The following MCOLN3 variants were observed in gnomAD, a reference collection of about 807,000 sequenced individuals.
MCOLN3 encodes mucolipin-3.
Under a neutral mutation model 69.4 loss-of-function variants are expected in MCOLN3, and 62 were observed. The ratio of observed to expected loss-of-function variants is 0.89; its 90% CI spans 0.73 to 1.10. The LOEUF (loss-of-function observed/expected upper bound fraction) is 1.10, where lower values mean the gene tolerates loss of function less well. MCOLN3 is among the 50% of genes least tolerant of loss of function. The pLI is 0.00. For synonymous variants in MCOLN3, 183 were observed against 217.0 expected, an observed-to-expected ratio of 0.84 and a Z score of 1.38; for missense variants, 564 against 656.4, an observed-to-expected ratio of 0.86 and a Z score of 1.54.
chr1:85,019,970 G>A (rs900855892), intron 12 of MCOLN3, among the ~76,000 whole-genome samples: 7 of 152,182 alleles, frequency 4.6e-5, no homozygotes, highest in East Asian at 1.9e-4. Flanking sequence ...CTGAGCCCAC[G>A]GAAAGAGGTT....
chr1:85,032,270 A>G (rs1217030105), intron 6 of MCOLN3, among the ~76,000 whole-genome samples: 2 of 152,190 alleles, frequency 1.3e-5, no homozygotes, highest in Admixed American at 6.5e-5. Context: ...AAAGATGTAT[A>G]CTACAAACCC....
Position 85,022,097 on chromosome 1 carries a change from C to T in MCOLN3, c.1293G>A (p.Trp431Ter). 1 of 1,614,124 alleles carries T rather than the reference C, an allele frequency of 6.2e-7. No homozygotes were observed. Among genetic ancestry groups the T allele is most frequent in the Non-Finnish European group, 8.5e-7 (1 of 1,179,982 alleles). The part of the protein sequence containing the change: ...MIYLGYCFCG[W>*]IVLGPYHDKF... ...TGTCATGGTAAGGCCCCAGCACGAT[C>T]CATCCACAGAAGCAGTAACCTAAGT... is the stretch of plus-strand genomic sequence containing the variant. Residue 431 changes from tryptophan to a stop codon, truncating the protein, a stop_gained, in exon 11 of 13, where the codon TGG (tryptophan) becomes TGA (stop). Transcript: ENST00000370589. LOFTEE classifies it high-confidence loss of function.
At chr1:85,030,733 G>A in intron 6 of MCOLN3, among the ~76,000 whole-genome samples, 1 of 152,292 alleles carries the variant, frequency 6.6e-6, no homozygotes, top group Admixed American at 6.5e-5. Context: ...AAAGCCAACA[G>A]ATGGGAAATA....
At position 85,029,205 on chromosome 1, in the gene MCOLN3, T is replaced by C. The variant is rs1284970122; in HGVS notation, c.733A>G (p.Ile245Val). Residue 245 changes from isoleucine to valine, a missense_variant and splice_region_variant, in exon 7 of 13, where the codon ATA (isoleucine) becomes GTA (valine). Coordinates refer to ENST00000370589, the MANE Select transcript of MCOLN3 (RefSeq NM_018298.11). ...CTATGGGCCTTGTTGTCAAATGTTA[T>C]CTGTGAAGACAGGAAAACAGTCAAA... Reference protein sequence around the residue: ...LPDCYDFTLTITFDNKAHSGR... With the variant: ...LPDCYDFTLTVTFDNKAHSGR... The C allele has an allele frequency of 8.9e-6, 14 of 1,569,390 alleles. No homozygotes were observed. The highest frequency in any genetic ancestry group is 1.2e-5 in the Non-Finnish European group (14 of 1,139,742).
At chr1:85,026,738 C>T (rs1252072983) in intron 7 of MCOLN3, among the ~76,000 whole-genome samples, 4 of 147,766 alleles carry the variant, frequency 2.7e-5, no homozygotes, top group African/African-American at 1.0e-4. Context: ...GGCTGGGTGA[C>T]AGAGCGAGAC....
At chr1:85,039,090 T>C (rs1036930095) in intron 3 of MCOLN3, among the ~76,000 whole-genome samples, 25 of 151,956 alleles carry the variant, frequency 1.6e-4, no homozygotes, top group African/African-American at 6.1e-4. Context: ...TCATTAGACC[T>C]CATTAACACT....
At position 85,025,970 on chromosome 1, in the gene MCOLN3, C is replaced by G. The variant is rs755945050; in HGVS notation, c.1064G>C (p.Gly355Ala). 1.3e-6 allele frequency: 2 copies of G among 1,598,958 alleles called. No homozygotes were observed. Among genetic ancestry groups the G allele is most frequent in the Non-Finnish European group, 1.7e-6 (2 of 1,172,508 alleles). Residue 355 changes from glycine (G) to alanine (A), a missense_variant, in exon 9 of 13, where the codon GGA (glycine) becomes GCA (alanine). Transcript: ENST00000370589. ...IIISDILTII[G>A]SILKMEIQAK... ...TTGGATTTCCATTTTTAGAATTGATCCAATGATTGTCAATATGTCACTAAT... is the reference window on the plus strand; with the variant it reads ...TTGGATTTCCATTTTTAGAATTGATGCAATGATTGTCAATATGTCACTAAT...
At chr1:85,028,893 C>A (rs1009395524) in intron 7 of MCOLN3, among the ~76,000 whole-genome samples, 1 of 152,036 alleles carries the variant, frequency 6.6e-6, no homozygotes, top group African/African-American at 2.4e-5. Flanking sequence ...CAGGAGTGGG[C>A]AAGTGAGGGC....
At chr1:85,044,963 CTCTT>C (rs1406176270) in intron 2 of MCOLN3, among the ~76,000 whole-genome samples, 166 bp downstream of exon 2, 3 of 152,040 alleles carry the variant, frequency 2.0e-5, no homozygotes, top group Admixed American at 6.6e-5. Flanking sequence ...AGAAGACAAA[CTCTT>C]TCACAAATGT....
At chr1:85,019,363 G>C in intron 12 of MCOLN3, 106 bp from the exon 13 acceptor site, 1 of 1,106,252 alleles carries the variant, frequency 9.0e-7, no homozygotes. Context: ...TTTCTAGAGA[G>C]ATAGTATCGT....
intron 3 of MCOLN3, chr1:85,036,754 C>G (rs2102936096): frequency 6.6e-6 from 1 of 152,274 alleles, no homozygotes; most frequent in East Asian, 1.9e-4. Context: ...ACGCCTTCAG[C>G]TTGAAATATT....
chr1:85,029,364 A>T, intron 6 of MCOLN3, 159 bp from the exon 7 acceptor site: 1 of 584,674 alleles, frequency 1.7e-6, no homozygotes, highest in East Asian at 2.9e-5. Context: ...AGTTCTCTTC[A>T]TTTCTCTGTG....
intron 6 of MCOLN3, among the ~76,000 whole-genome samples, chr1:85,031,001 G>A (rs1436415129): frequency 1.3e-5 from 2 of 152,122 alleles, no homozygotes; most frequent in African/African-American, 4.8e-5. Flanking sequence ...GGCCGGGCAC[G>A]GTGGCTCATG....
intron 4 of MCOLN3, among the ~76,000 whole-genome samples, chr1:85,033,897 T>C (rs1354894129): frequency 6.6e-6 from 1 of 152,206 alleles, no homozygotes; most frequent in Non-Finnish European, 1.5e-5. Flanking sequence ...ATAATAATCC[T>C]TGACTTGCTG....
Position 85,020,114 on chromosome 1 carries a change from G to C in MCOLN3, c.1528-857C>G, listed in dbSNP as rs1240851856. ...GAGTTGGAGGCAGTGAACTTTTAGAGCACCATTTGGAGGGATCTGAAGTTA... is the reference window on the plus strand; with the variant it reads ...GAGTTGGAGGCAGTGAACTTTTAGACCACCATTTGGAGGGATCTGAAGTTA... On this transcript the variant is annotated intron_variant, in intron 12 of 12. Transcript: ENST00000370589. Among the ~76,000 whole-genome samples, 6 of 152,320 alleles carry C rather than the reference G, an allele frequency of 3.9e-5. No homozygotes were observed. The South Asian group carries it at 1.2e-3, about 32-fold the overall frequency.
intron 2 of MCOLN3, among the ~76,000 whole-genome samples, chr1:85,042,128 T>G (rs1181625957): frequency 2.0e-5 from 3 of 152,206 alleles, no homozygotes; most frequent in Non-Finnish European, 4.4e-5. Flanking sequence ...TGCCATACAC[T>G]ATTCCAGGAA....
chr1:85,031,313 T>C (rs1428679208), intron 6 of MCOLN3, among the ~76,000 whole-genome samples: 1 of 151,412 alleles, frequency 6.6e-6, no homozygotes, highest in Non-Finnish European at 1.5e-5. Context: ...AAATAAGATC[T>C]AGTGTTTAGT....
chr1:85,024,438 C>T (rs1173842782), intron 9 of MCOLN3: 1 of 152,028 alleles, frequency 6.6e-6, no homozygotes, highest in Non-Finnish European at 1.5e-5. Context: ...AGGGGTTGGC[C>T]CTGAATAGTG....
intron 3 of MCOLN3, among the ~76,000 whole-genome samples, chr1:85,040,422 A>T (rs1375177278): frequency 1.3e-5 from 2 of 152,212 alleles, no homozygotes; most frequent in Non-Finnish European, 2.9e-5. Context: ...AGATTTAAAA[A>T]TTTGGGGTCT....
Sources: gnomAD v4.1 joint callset for allele counts (sites outside exome capture counted in the v4.1 genomes callset) on GRCh38, gnomAD v4.1.1 for gene constraint, MANE v1.5 for transcripts, NCBI Gene and HGNC (gene_info 2026-07-23, HGNC 2026-07-21) for gene names.